Variants in PPP3R1 observed in about 807,000 individuals in gnomAD.
The protein encoded by PPP3R1 is protein phosphatase 3 regulatory subunit B, alpha, also known as calcineurin subunit B type 1.
PPP3R1 carries 5 observed loss-of-function variants against 22.6 expected under a neutral mutation model. The observed-to-expected ratio is 0.22, with a 90% CI of 0.12 to 0.46. The LOEUF (loss-of-function observed/expected upper bound fraction) is 0.46. Ranked by LOEUF, PPP3R1 falls within the 20% of genes least tolerant of loss-of-function variation. PPP3R1 has a pLI of 0.99. For missense variants in PPP3R1, 61 were observed against 203.2 expected (o/e 0.30, Z 4.25); for synonymous variants, 56 against 65.2 (o/e 0.86, Z 0.68).
At chr2:68,216,793 T>C (rs1420524124) in intron 2 of PPP3R1, among the ~76,000 whole-genome samples, 1 of 152,136 alleles carries the variant, frequency 6.6e-6, no homozygotes, top group Non-Finnish European at 1.5e-5. Flanking sequence ...ACTTTGAAAC[T>C]TCACTTGAAA....
At chr2:68,195,522 G>T (rs750480313) in intron 2 of PPP3R1, among the ~76,000 whole-genome samples, 11 of 152,072 alleles carry the variant, frequency 7.2e-5, no homozygotes, top group Admixed American at 2.0e-4. Flanking sequence ...GGAGGAGAGG[G>T]GGTAGGGAAT....
chr2:68,226,895 G>A (rs1056748017), intron 1 of PPP3R1, among the ~76,000 whole-genome samples: 1 of 151,984 alleles, frequency 6.6e-6, no homozygotes, highest in Non-Finnish European at 1.5e-5. Flanking sequence ...TCCTTTTGAT[G>A]CTCACTTTTT....
In PPP3R1 at chr2:68,211,407, A is replaced by C. The variant is rs796128900; in HGVS notation, c.43+5685T>G. On this transcript the variant is annotated intron_variant, in intron 2 of 5. Coordinates refer to ENST00000234310, the MANE Select transcript of PPP3R1 (RefSeq NM_000945.4). ...GGGCGACTGAGCGAGACTCTGTCTC[A>C]AAAAAAAAAAAAAAAAAACTCTATT... Among the ~76,000 whole-genome samples, 6 of 23,392 alleles carry C rather than the reference A, an allele frequency of 2.6e-4. No individual in the cohort carries two copies. In the African/African-American group the frequency reaches 3.9e-3, roughly 15 times the overall value. The allele number at this position is 23,392 out of a possible 152,430, so 15.3% of individuals were successfully genotyped here. A position where few individuals can be genotyped will look rare whatever the true frequency, so the allele number is the denominator to read the frequency against.
At chr2:68,232,241 GTGTGTGTGTGTGTGTGTGTGTGTGTATA>G (rs1558641488) in intron 1 of PPP3R1, among the ~76,000 whole-genome samples, 4 of 65,422 alleles carry the variant, frequency 6.1e-5, no homozygotes, top group African/African-American at 4.5e-4. Flanking sequence ...GTGTGTGTGT[GTGTGTGTGTGTGTGTGTGTGTGTGTATA>G]TATATATACA....
At chr2:68,245,764 A>G (rs1670223527) in intron 1 of PPP3R1, among the ~76,000 whole-genome samples, 1 of 152,254 alleles carries the variant, frequency 6.6e-6, no homozygotes, top group Admixed American at 6.5e-5. Context: ...TTTCCAGATT[A>G]ATCAATGGTT....
chr2:68,190,160 C>T (rs1030265694), intron 2 of PPP3R1, among the ~76,000 whole-genome samples: 1 of 142,536 alleles, frequency 7.0e-6, no homozygotes, highest in African/African-American at 2.6e-5. Flanking sequence ...ACACGTAATT[C>T]GTAAAGAGGA....
intron 4 of PPP3R1, 25 bp from the exon 5 acceptor site, chr2:68,186,677 T>G: frequency 6.4e-7 from 1 of 1,554,702 alleles, no homozygotes; most frequent in Non-Finnish European, 8.8e-7. Flanking sequence ...GGAAAATCAA[T>G]TCCAATTACA....
chr2:68,192,923 C>A (rs1319431135), intron 2 of PPP3R1, among the ~76,000 whole-genome samples: 1 of 152,138 alleles, frequency 6.6e-6, no homozygotes, highest in African/African-American at 2.4e-5. Flanking sequence ...TCCTTATAAA[C>A]CTCCTGCTGG....
At chr2:68,215,827 A>G (rs1370790156) in intron 2 of PPP3R1, among the ~76,000 whole-genome samples, 1 of 152,168 alleles carries the variant, frequency 6.6e-6, no homozygotes, top group Non-Finnish European at 1.5e-5. Context: ...GGGTGGGGAA[A>G]GAGTAGAGTA....
intron 1 of PPP3R1, among the ~76,000 whole-genome samples, chr2:68,241,153 T>C (rs1321514619): frequency 7.0e-6 from 1 of 143,424 alleles, no homozygotes; most frequent in Non-Finnish European, 1.5e-5. Context: ...ACTCCACAGA[T>C]GCTCAAGTCC....
chr2:68,196,308 T>TA (rs1674772422), intron 2 of PPP3R1, among the ~76,000 whole-genome samples: 1 of 142,576 alleles, frequency 7.0e-6, no homozygotes, highest in African/African-American at 2.6e-5. Context: ...CAATGAGAAG[T>TA]AAAATCCACC....
intron 2 of PPP3R1, among the ~76,000 whole-genome samples, chr2:68,201,209 CA>C (rs1674968607): frequency 6.6e-6 from 1 of 152,032 alleles, no homozygotes; most frequent in Non-Finnish European, 1.5e-5. Flanking sequence ...ATGTTAGCTG[CA>C]CCTTTCTTTA....
intron 1 of PPP3R1, among the ~76,000 whole-genome samples, chr2:68,243,087 G>A (rs1035750822): frequency 7.9e-5 from 12 of 152,016 alleles, no homozygotes; most frequent in African/African-American, 2.9e-4. Flanking sequence ...TACCAATTTG[G>A]CCCTCTTTTT....
At chr2:68,229,182 T>A (rs999386289) in intron 1 of PPP3R1, among the ~76,000 whole-genome samples, 9 of 151,894 alleles carry the variant, frequency 5.9e-5, no homozygotes, top group East Asian at 1.9e-4. Flanking sequence ...GCTAATTATT[T>A]TTTTTTTTTC....
intron 1 of PPP3R1, among the ~76,000 whole-genome samples, chr2:68,227,225 C>G (rs1246274008): frequency 6.6e-6 from 1 of 151,908 alleles, no homozygotes; most frequent in Non-Finnish European, 1.5e-5. Context: ...TTCCTGATTC[C>G]TACAGATCTG....
chr2:68,210,818 A>G lies in PPP3R1; in HGVS notation c.43+6274T>C, dbSNP rs375005614. ...AATCCAAAATCCAAAATGTTCTGAAATATGAAACTTTTTGAGTGTTGACAT... is the reference window on the plus strand; with the variant it reads ...AATCCAAAATCCAAAATGTTCTGAAGTATGAAACTTTTTGAGTGTTGACAT... On this transcript the variant is annotated intron_variant, in intron 2 of 5. Coordinates refer to ENST00000234310, the MANE Select transcript of PPP3R1 (RefSeq NM_000945.4). 2.5e-3 allele frequency among the ~76,000 whole-genome samples: 377 copies of G among 152,352 alleles called. 3 individuals carry two copies. The highest frequency in any genetic ancestry group is 8.8e-3 in the African/African-American group (364 of 41,582).
chr2:68,226,328 A>T (rs908674522), intron 1 of PPP3R1, among the ~76,000 whole-genome samples: 2 of 152,184 alleles, frequency 1.3e-5, no homozygotes, highest in Admixed American at 1.3e-4. Context: ...GGTAAGTTGT[A>T]CCTCAATAAA....
intron 1 of PPP3R1, among the ~76,000 whole-genome samples, chr2:68,229,886 GTATATA>G (rs747692203): frequency 6.0e-5 from 9 of 150,826 alleles, no homozygotes; most frequent in Admixed American, 5.3e-4. Context: ...ATGTATGTGT[GTATATA>G]TATATACGGG....
intron 2 of PPP3R1, among the ~76,000 whole-genome samples, chr2:68,216,560 C>A (rs1669584159): frequency 6.6e-6 from 1 of 152,066 alleles, no homozygotes; most frequent in African/African-American, 2.4e-5. Flanking sequence ...ACTTTCAAGC[C>A]CCAACAGTGG....
Sources: gnomAD v4.1 joint callset for allele counts (sites outside exome capture counted in the v4.1 genomes callset) on GRCh38, gnomAD v4.1.1 for gene constraint, MANE v1.5 for transcripts, NCBI Gene and HGNC (gene_info 2026-07-23, HGNC 2026-07-21) for gene names.